The following TMEM181 variants were observed in gnomAD, a reference collection of about 807,000 sequenced individuals.
The protein encoded by TMEM181 is G protein-coupled receptor 178.
A neutral mutation model predicts 71.9 loss-of-function variants in TMEM181; 39 were observed. The observed-to-expected ratio is 0.54, with a 90% CI of 0.42 to 0.71. The LOEUF (loss-of-function observed/expected upper bound fraction) is 0.71, where lower values mean the gene tolerates loss of function less well. Ranked by LOEUF, TMEM181 falls within the 30% of genes least tolerant of loss-of-function variation. The pLI is 0.00. For synonymous variants in TMEM181, 245 were observed against 228.8 expected (o/e 1.07, Z -0.64); for missense variants, 595 against 583.0 (o/e 1.02, Z -0.21).
At chr6:158,621,500 C>T (rs1461735282) in intron 10 of TMEM181, 2 of 201,800 alleles carry the variant, frequency 9.9e-6, no homozygotes, top group Non-Finnish European at 2.2e-5. Context: ...CCAGCCCGTC[C>T]TGAACCCAAC....
rs768712414 is a variant in TMEM181 at position 158,573,389 on chromosome 6, A to G, written c.9-31A>G. The G allele has an allele frequency of 1.9e-6, 3 of 1,545,234 alleles. No homozygotes were observed. The South Asian group carries it at 3.6e-5, about 18-fold the overall frequency. ...CCTGTGACCTCCGGGCCTTCCCCTGACCGTCCCTCACTGCTGGCTTCTGCC... is the reference window on the plus strand; with the variant it reads ...CCTGTGACCTCCGGGCCTTCCCCTGGCCGTCCCTCACTGCTGGCTTCTGCC... On this transcript the variant is annotated intron_variant, in intron 1 of 16. Coordinates refer to ENST00000684151, the MANE Select transcript of TMEM181 (RefSeq NM_001376852.1).
chr6:158,553,668 C>G (rs191642364), intron 1 of TMEM181, among the ~76,000 whole-genome samples: 1 of 152,292 alleles, frequency 6.6e-6, no homozygotes, highest in African/African-American at 2.4e-5. Context: ...AAAACCCATG[C>G]AACAGTATAT....
chr6:158,593,847 CCA>C (rs1263227835), intron 6 of TMEM181, among the ~76,000 whole-genome samples: 36 of 152,254 alleles, frequency 2.4e-4, no homozygotes, highest in African/African-American at 8.4e-4. Context: ...ACAGCCTCCC[CCA>C]TTGTCAGCAT....
chr6:158,624,560 G>C (rs768851602), intron 11 of TMEM181, among the ~76,000 whole-genome samples: 4 of 152,254 alleles, frequency 2.6e-5, no homozygotes, highest in African/African-American at 7.2e-5. Flanking sequence ...CTTCAGAAAA[G>C]GGCTTTGGCT....
intron 14 of TMEM181, 135 bp from the exon 15 acceptor site, chr6:158,629,595 G>T (rs1786543082): frequency 4.3e-6 from 3 of 695,022 alleles, no homozygotes; most frequent in East Asian, 2.7e-5. Flanking sequence ...CTGACGTCTG[G>T]GTAATGGACC....
chr6:158,561,861 T>G (rs1004425258), intron 1 of TMEM181, among the ~76,000 whole-genome samples: 4 of 152,140 alleles, frequency 2.6e-5, no homozygotes, highest in Admixed American at 2.6e-4. Flanking sequence ...TCGGCCAGCA[T>G]TCCAGGCACC....
At position 158,632,591 on chromosome 6, in the gene TMEM181, A is replaced by C. The variant is rs1257313079; in HGVS notation, c.*703A>C. The C allele has an allele frequency of 6.6e-6, 1 of 152,410 alleles. No homozygotes were observed. Among genetic ancestry groups the C allele is most frequent in the East Asian group, 1.9e-4 (1 of 5,200 alleles). 9.4% of individuals were successfully genotyped at this position (152,410 alleles called of 1,614,324 possible). On this transcript the variant is annotated 3_prime_UTR_variant, in exon 17 of 17. Transcript: ENST00000684151. The stretch of plus-strand genomic sequence containing the variant: ...AAGATAATTTACAGGTTACCAACTC[A>C]TGTGGGGAAGGTCTTACTGCCATGG...
intron 1 of TMEM181, among the ~76,000 whole-genome samples, chr6:158,548,237 C>T (rs182422643): frequency 6.6e-6 from 1 of 152,166 alleles, no homozygotes; most frequent in Non-Finnish European, 1.5e-5. Context: ...CCCTCTGAAA[C>T]GTACTCTCCA....
intron 1 of TMEM181, among the ~76,000 whole-genome samples, chr6:158,571,722 G>A (rs1242427014): frequency 2.0e-5 from 3 of 152,224 alleles, no homozygotes; most frequent in African/African-American, 7.2e-5. Context: ...CACTTTGCAG[G>A]GCTTGCCCAG....
In TMEM181 at chr6:158,560,203, G is replaced by A. The variant is rs1436361615; in HGVS notation, c.-22G>A. ...GCGGGCTCGGGACGCGCGGGCCGGG[G>A]CCGAGGGCTCTGGGCGCCGAGATGG... On this transcript the variant is annotated 5_prime_UTR_variant, in exon 1 of 17. Coordinates refer to ENST00000684151, the MANE Select transcript of TMEM181 (RefSeq NM_001376852.1). 7 of 984,822 alleles carry A rather than the reference G, an allele frequency of 7.1e-6. No individual in the cohort carries two copies. Among genetic ancestry groups the A allele is most frequent in the Non-Finnish European group, 7.2e-6 (6 of 829,756 alleles). 61.0% of individuals were successfully genotyped at this position (984,822 alleles called of 1,614,324 possible).
chr6:158,547,836 G>C (rs6911758), intron 1 of TMEM181, among the ~76,000 whole-genome samples: 75,935 of 142,950 alleles, frequency 0.53, 20,214 homozygotes, highest in African/African-American at 0.65. Flanking sequence ...GCGGTGAGTC[G>C]ATATCACGCC....
intron 1 of TMEM181, among the ~76,000 whole-genome samples, chr6:158,571,312 G>T (rs770202889): frequency 6.6e-6 from 1 of 150,712 alleles, no homozygotes. Flanking sequence ...TTAGCAGGAT[G>T]GTCTCGATCT....
intron 14 of TMEM181, 78 bp from the exon 15 acceptor site, chr6:158,629,652 G>A (rs974538415): frequency 7.8e-5 from 97 of 1,249,238 alleles, no homozygotes; most frequent in African/African-American, 5.2e-4. Flanking sequence ...TGCTGATGGC[G>A]GGAGGAGTGG....
intron 5 of TMEM181, among the ~76,000 whole-genome samples, chr6:158,586,983 T>C (rs994282379): frequency 1.2e-4 from 19 of 152,156 alleles, no homozygotes; most frequent in Non-Finnish European, 5.9e-5. Flanking sequence ...GACAGGACCA[T>C]GGCCCAAGAA....
intron 1 of TMEM181, chr6:158,536,990 G>T (rs1250471277): frequency 3.4e-6 from 2 of 590,784 alleles, no homozygotes; most frequent in East Asian, 2.2e-4. Flanking sequence ...GCCGGGCGCG[G>T]AGCCTACGGA....
At position 158,560,136 on chromosome 6, in the gene TMEM181, C is replaced by T. The variant is rs1782070476; in HGVS notation, c.-89C>T. 7.1e-6 allele frequency: 7 copies of T among 984,200 alleles called. No individual in the cohort carries two copies. Among genetic ancestry groups the T allele is most frequent in the Non-Finnish European group, 7.2e-6 (6 of 829,192 alleles). The allele number at this position is 984,200 out of a possible 1,614,324, so 61.0% of individuals were successfully genotyped here. A position where few individuals can be genotyped will look rare whatever the true frequency, so the allele number is the denominator to read the frequency against. The stretch of plus-strand genomic sequence containing the variant: ...CTGCTCAGCCGCTGTCGCTCCGGCT[C>T]CGGCTGCGGCTGCCGCTGCCGAGGC... On this transcript the variant is annotated 5_prime_UTR_variant, in exon 1 of 17. Transcript: ENST00000684151.
chr6:158,632,825 T>C lies in TMEM181; in HGVS notation c.*937T>C, dbSNP rs888170080. The C allele has an allele frequency of 4.6e-5, 7 of 152,578 alleles. No homozygotes were observed. The highest frequency in any genetic ancestry group is 1.9e-4 in the East Asian group (1 of 5,196). The allele number at this position is 152,578 out of a possible 1,614,324, so 9.5% of individuals were successfully genotyped here. On this transcript the variant is annotated 3_prime_UTR_variant, in exon 17 of 17. Transcript: ENST00000684151. Reference sequence around the variant, plus strand: ...GCTCACATCTGTAATCTCAACACTTTGGGAGGCCAAGGTGGGAGGATCACT... The same window carrying C: ...GCTCACATCTGTAATCTCAACACTTCGGGAGGCCAAGGTGGGAGGATCACT...
intron 10 of TMEM181, 129 bp downstream of exon 10, chr6:158,608,879 C>T (rs1338777688): frequency 2.4e-6 from 2 of 845,052 alleles, no homozygotes; most frequent in African/African-American, 1.7e-5. Flanking sequence ...AGGCAAGTCA[C>T]TTGAGCTCAG....
chr6:158,615,096 T>G (rs1353920065), intron 10 of TMEM181, among the ~76,000 whole-genome samples: 1 of 152,242 alleles, frequency 6.6e-6, no homozygotes, highest in African/African-American at 2.4e-5. Context: ...TAGTTTACAC[T>G]CCCACCAACA....
Sources: gnomAD v4.1 joint callset for allele counts (sites outside exome capture counted in the v4.1 genomes callset) on GRCh38, gnomAD v4.1.1 for gene constraint, MANE v1.5 for transcripts, NCBI Gene and HGNC (gene_info 2026-07-23, HGNC 2026-07-21) for gene names.